The following GRIN2B variants were observed in gnomAD, a reference collection of about 807,000 sequenced individuals.
GRIN2B encodes glutamate receptor ionotropic, NMDA 2B.
In GRIN2B, 5 loss-of-function variants were observed where a neutral mutation model predicts 114.5. The observed-to-expected ratio is 0.04, with a 90% CI of 0.02 to 0.09. GRIN2B has a LOEUF of 0.09. Among genes scored for constraint, GRIN2B ranks in the 10% least tolerant of loss-of-function variants. The pLI, the probability that GRIN2B is intolerant of heterozygous loss-of-function variation, is 1.00. For synonymous variants in GRIN2B, 787 were observed against 745.1 expected, an observed-to-expected ratio of 1.06 and a Z score of -0.92; for missense variants, 1,108 against 1,943.5, an observed-to-expected ratio of 0.57 and a Z score of 8.08.
intron 3 of GRIN2B, among the ~76,000 whole-genome samples, chr12:13,831,833 G>A (rs1461960473): frequency 6.6e-6 from 1 of 152,218 alleles, no homozygotes; most frequent in Admixed American, 6.5e-5. Flanking sequence ...CTGTTCTTAA[G>A]AGAAACAAAT....
At chr12:13,895,729 T>C (rs981352979) in intron 2 of GRIN2B, among the ~76,000 whole-genome samples, 2 of 152,244 alleles carry the variant, frequency 1.3e-5, no homozygotes, top group African/African-American at 4.8e-5. Flanking sequence ...ATGTAAAGTT[T>C]TTCAAGGTGA....
chr12:13,623,829 T>G (rs1322857992), intron 5 of GRIN2B, among the ~76,000 whole-genome samples: 1 of 152,238 alleles, frequency 6.6e-6, no homozygotes, highest in Non-Finnish European at 1.5e-5. Flanking sequence ...AGGGTTGGTT[T>G]CCTACCTAAC....
chr12:13,955,163 CAA>C (rs1172350976), intron 2 of GRIN2B, among the ~76,000 whole-genome samples: 2 of 152,106 alleles, frequency 1.3e-5, no homozygotes, highest in African/African-American at 4.8e-5. Flanking sequence ...AAACTATAAA[CAA>C]ATGTGACCAC....
intron 3 of GRIN2B, among the ~76,000 whole-genome samples, chr12:13,821,965 G>A (rs931316730): frequency 2.6e-5 from 4 of 152,072 alleles, no homozygotes; most frequent in African/African-American, 4.8e-5. Flanking sequence ...AAATATTCTC[G>A]ATCTCAGCCA....
chr12:13,745,677 A>T (rs1211538086), intron 4 of GRIN2B, among the ~76,000 whole-genome samples: 6 of 152,200 alleles, frequency 3.9e-5, no homozygotes, highest in Non-Finnish European at 8.8e-5. Context: ...AAAGGGTTGG[A>T]TTAGATGAGC....
chr12:13,629,459 C>T (rs935683288), intron 5 of GRIN2B, among the ~76,000 whole-genome samples: 9 of 152,162 alleles, frequency 5.9e-5, no homozygotes, highest in Non-Finnish European at 1.0e-4. Flanking sequence ...CATTCATGCT[C>T]CACTTGGCCC....
chr12:13,772,127 T>C (rs952694754), intron 3 of GRIN2B, among the ~76,000 whole-genome samples: 1 of 152,262 alleles, frequency 6.6e-6, no homozygotes, highest in Non-Finnish European at 1.5e-5. Context: ...CTGATTCCAC[T>C]GTTCCATAAA....
intron 3 of GRIN2B, among the ~76,000 whole-genome samples, chr12:13,754,751 T>G (rs1235732101): frequency 1.3e-5 from 2 of 152,188 alleles, no homozygotes; most frequent in Non-Finnish European, 2.9e-5. Flanking sequence ...ATATAGAAGA[T>G]ATGCTCTTTC....
chr12:13,929,540 T>G (rs1866983021), intron 2 of GRIN2B, among the ~76,000 whole-genome samples: 1 of 152,220 alleles, frequency 6.6e-6, no homozygotes, highest in Admixed American at 6.5e-5. Flanking sequence ...GCTGGATATC[T>G]GCAAACTGTC....
rs372327890 is a variant in GRIN2B, at chr12:13,934,574, G to A, written c.-19+45354C>T. Among the ~76,000 whole-genome samples, 23 of 152,280 alleles carry A rather than the reference G, an allele frequency of 1.5e-4. No individual in the cohort carries two copies. The East Asian group carries it at 2.1e-3, about 14-fold the overall frequency. On this transcript the variant is annotated intron_variant, in intron 2 of 13. Coordinates refer to ENST00000609686, the MANE Select transcript of GRIN2B (RefSeq NM_000834.5). ...TTCCACAGTGCTTCTCCGTTAGCAC[G>A]TCTCTCTTCCTACCCCAGGTTGATA... is the stretch of plus-strand genomic sequence containing the variant.
At position 13,551,571 on chromosome 12, in the gene GRIN2B, T is replaced by A. The variant is rs1308914343; in HGVS notation, c.*11212A>T. 1 of 152,228 alleles carries A rather than the reference T, an allele frequency of 6.6e-6. No homozygotes were observed. Among genetic ancestry groups the A allele is most frequent in the Non-Finnish European group, 1.5e-5 (1 of 68,038 alleles). 9.4% of individuals were successfully genotyped at this position (152,228 alleles called of 1,614,324 possible). A position where few individuals can be genotyped will look rare whatever the true frequency, so the allele number is the denominator to read the frequency against. Reference sequence around the variant, plus strand: ...AACACTGGCTGCATAAATTATGATATGTCTCTTTATCCCATTCTAAATGAA... The same window carrying A: ...AACACTGGCTGCATAAATTATGATAAGTCTCTTTATCCCATTCTAAATGAA... On this transcript the variant is annotated 3_prime_UTR_variant, in exon 14 of 14. Coordinates refer to ENST00000609686, the MANE Select transcript of GRIN2B (RefSeq NM_000834.5).
chr12:13,641,994 C>G (rs550272356), intron 5 of GRIN2B, among the ~76,000 whole-genome samples: 1 of 152,198 alleles, frequency 6.6e-6, no homozygotes, highest in African/African-American at 2.4e-5. Flanking sequence ...TCGAGACCAG[C>G]CTGGCCAATG....
intron 3 of GRIN2B, among the ~76,000 whole-genome samples, chr12:13,853,684 G>A (rs1299232171): frequency 6.6e-6 from 1 of 152,174 alleles, no homozygotes; most frequent in East Asian, 1.9e-4. Context: ...GCTGGTATCT[G>A]GCCCTCATAT....
chr12:13,791,315 G>A (rs1864316191), intron 3 of GRIN2B, among the ~76,000 whole-genome samples: 1 of 151,938 alleles, frequency 6.6e-6, no homozygotes, highest in Non-Finnish European at 1.5e-5. Context: ...AACTGGGTGT[G>A]GTGGCGGGCG....
intron 2 of GRIN2B, among the ~76,000 whole-genome samples, chr12:13,942,544 A>G (rs1341317452): frequency 6.6e-6 from 1 of 152,222 alleles, no homozygotes; most frequent in Non-Finnish European, 1.5e-5. Context: ...TGCTGTACAA[A>G]TAACATTTTA....
intron 5 of GRIN2B, among the ~76,000 whole-genome samples, chr12:13,649,255 C>A (rs969359973): frequency 6.6e-6 from 1 of 152,014 alleles, no homozygotes; most frequent in Non-Finnish European, 1.5e-5. Flanking sequence ...GGAGAGAAGA[C>A]AGAAGATAGA....
At chr12:13,671,238 A>C (rs565539054) in intron 5 of GRIN2B, among the ~76,000 whole-genome samples, 13 of 152,284 alleles carry the variant, frequency 8.5e-5, no homozygotes, top group African/African-American at 2.6e-4. Context: ...TGTTTCAGTG[A>C]CTATTCACTG....
chr12:13,595,247 G>A (rs1046643389), intron 10 of GRIN2B, among the ~76,000 whole-genome samples: 6 of 152,136 alleles, frequency 3.9e-5, no homozygotes, highest in African/African-American at 1.4e-4. Flanking sequence ...CATGATGTGA[G>A]GTCTTAGTGT....
At chr12:13,934,591 A>G (rs1867095049) in intron 2 of GRIN2B, among the ~76,000 whole-genome samples, 1 of 152,174 alleles carries the variant, frequency 6.6e-6, no homozygotes, top group South Asian at 2.1e-4. Context: ...TTCCTACCCC[A>G]GGTTGATACC....
Sources: allele counts gnomAD v4.1 joint callset (sites outside exome capture counted in the v4.1 genomes callset), GRCh38; gene constraint gnomAD v4.1.1; transcripts MANE v1.5; gene names NCBI Gene and HGNC (gene_info 2026-07-23, HGNC 2026-07-21).